Variants in ABLIM3 observed in about 807,000 individuals in gnomAD.
ABLIM3 encodes the protein actin-binding LIM protein 3.
ABLIM3 carries 61 observed loss-of-function variants against 109.5 expected under a neutral mutation model. The ratio of observed to expected loss-of-function variants is 0.56; its 90% confidence interval spans 0.45 to 0.69. The LOEUF (loss-of-function observed/expected upper bound fraction) is 0.69. ABLIM3 is among the 30% of genes least tolerant of loss of function. The probability of loss-of-function intolerance (pLI) is 0.00; values close to 1 mark genes in which losing one functional copy is unlikely to be tolerated. For missense variants in ABLIM3, 796 were observed against 889.5 expected (o/e 0.89, Z 1.34); for synonymous variants, 300 against 324.8 (o/e 0.92, Z 0.82).
rs761747841 is a variant in ABLIM3 at position 149,183,546 on chromosome 5, C to T, written c.108C>T (p.Arg36=). Residue 36 remains arginine, a synonymous_variant, in exon 3 of 24, where the codon CGC becomes CGT. Coordinates refer to ENST00000309868, the MANE Select transcript of ABLIM3 (RefSeq NM_014945.5). ...ACACCTGCAAAGGGGAAGTGGTCCG[C>T]GTGCACAACAACCACTTCCACATCA... ...CGDTCKGEVV[R]VHNNHFHIRC... 1.7e-5 allele frequency: 27 copies of T among 1,592,826 alleles called. No homozygotes were observed. The African/African-American group carries it at 2.9e-4, about 17-fold the overall frequency.
chr5:149,252,940 A>G (rs9765312), intron 23 of ABLIM3, 103 bp downstream of exon 23: 11,469 of 838,214 alleles, frequency 0.014, 571 homozygotes, highest in African/African-American at 0.13. Flanking sequence ...AGTGGCTTTA[A>G]GATCACACAG....
chr5:149,167,284 A>G (rs1225268546), intron 2 of ABLIM3, among the ~76,000 whole-genome samples: 2 of 152,150 alleles, frequency 1.3e-5, no homozygotes, highest in East Asian at 3.8e-4. Flanking sequence ...CATCACCCTG[A>G]TGGCTGTTGG....
At chr5:149,187,474 T>C (rs962223393) in intron 3 of ABLIM3, among the ~76,000 whole-genome samples, 1 of 152,224 alleles carries the variant, frequency 6.6e-6, no homozygotes, top group African/African-American at 2.4e-5. Context: ...AAAGATTATG[T>C]ATTCAGCAAA....
Position 149,211,100 on chromosome 5 carries a change from A to G in ABLIM3, c.669+281A>G, listed in dbSNP as rs371639954. Reference sequence around the variant, plus strand: ...CCCAGACAGATTTCTAAAGAGTGACATTAGGATTTTCCTCCCAGCCCTGCC... The same window carrying G: ...CCCAGACAGATTTCTAAAGAGTGACGTTAGGATTTTCCTCCCAGCCCTGCC... On this transcript the variant is annotated intron_variant, in intron 7 of 23. Coordinates refer to ENST00000309868, the MANE Select transcript of ABLIM3 (RefSeq NM_014945.5). 2.2e-3 allele frequency among the ~76,000 whole-genome samples: 337 copies of G among 152,254 alleles called. 19 individuals carry two copies. In the South Asian group the frequency reaches 0.065, roughly 30 times the overall value.
At chr5:149,224,688 G>A (rs1273828843) in intron 8 of ABLIM3, among the ~76,000 whole-genome samples, 1 of 152,220 alleles carries the variant, frequency 6.6e-6, no homozygotes, top group African/African-American at 2.4e-5. Flanking sequence ...GTAGGTGGAG[G>A]AGAGGAGACA....
chr5:149,199,624 C>T (rs1217335144), intron 4 of ABLIM3, among the ~76,000 whole-genome samples: 1 of 152,244 alleles, frequency 6.6e-6, no homozygotes, highest in Non-Finnish European at 1.5e-5. Context: ...GTGCTCCCTC[C>T]ATCGTGCCAC....
Position 149,142,155 on chromosome 5 carries a change from G to C in ABLIM3, c.13+47G>C, listed in dbSNP as rs1356938415. The C allele has an allele frequency of 1.9e-6, 3 of 1,577,164 alleles. No homozygotes were observed. The African/African-American group carries it at 4.0e-5, about 21-fold the overall frequency. On this transcript the variant is annotated intron_variant, in intron 2 of 23. Coordinates refer to ENST00000309868, the MANE Select transcript of ABLIM3 (RefSeq NM_014945.5). The stretch of plus-strand genomic sequence containing the variant: ...TTGCCATGGGAACAGGGGTGGGGGC[G>C]GGAGGTGAGGGAGCCTGCGCTCGGG...
intron 18 of ABLIM3, among the ~76,000 whole-genome samples, chr5:149,249,255 G>A (rs900334394): frequency 1.3e-5 from 2 of 152,226 alleles, no homozygotes; most frequent in African/African-American, 4.8e-5. Flanking sequence ...GCGGCAATAT[G>A]ATAAAGCCAG....
intron 2 of ABLIM3, among the ~76,000 whole-genome samples, chr5:149,158,539 T>G (rs151054835): frequency 5.3e-4 from 81 of 152,328 alleles, no homozygotes; most frequent in African/African-American, 1.6e-3. Context: ...TACTTGACTC[T>G]ATGCAAGTTA....
intron 2 of ABLIM3, among the ~76,000 whole-genome samples, chr5:149,167,071 C>T (rs1261739300): frequency 6.6e-6 from 1 of 152,190 alleles, no homozygotes; most frequent in Non-Finnish European, 1.5e-5. Context: ...GATTCCTCTT[C>T]AAGGTGTTAT....
At chr5:149,205,447 A>T (rs990795747) in intron 5 of ABLIM3, among the ~76,000 whole-genome samples, 1 of 152,158 alleles carries the variant, frequency 6.6e-6, no homozygotes, top group Non-Finnish European at 1.5e-5. Context: ...GGGGAGGCCC[A>T]CAGAGATACA....
chr5:149,142,064 T>C lies in ABLIM3; in HGVS notation c.-32T>C, dbSNP rs1752504620. On this transcript the variant is annotated 5_prime_UTR_variant, in exon 2 of 24. Transcript: ENST00000309868. ...TTAAAAAGCAGCCGGGGCCTCCGTA[T>C]TGAATGAAAGACCCAGTGCAAAGAC... The C allele has an allele frequency of 1.2e-6, 2 of 1,613,848 alleles. No individual in the cohort carries two copies. The highest frequency in any genetic ancestry group is 1.7e-6 in the Non-Finnish European group (2 of 1,180,010).
intron 2 of ABLIM3, among the ~76,000 whole-genome samples, chr5:149,160,068 T>C (rs1023351791): frequency 2.0e-5 from 3 of 152,154 alleles, no homozygotes; most frequent in Non-Finnish European, 4.4e-5. Context: ...CACAGACCCT[T>C]CCCACAGAAT....
chr5:149,190,610 G>T (rs531476393), intron 3 of ABLIM3, among the ~76,000 whole-genome samples: 1 of 152,300 alleles, frequency 6.6e-6, no homozygotes, highest in South Asian at 2.1e-4. Flanking sequence ...AGCCCAGGAG[G>T]CGGAGGTTGC....
intron 2 of ABLIM3, among the ~76,000 whole-genome samples, chr5:149,171,726 A>G (rs1469998221): frequency 6.6e-6 from 1 of 152,226 alleles, no homozygotes; most frequent in Non-Finnish European, 1.5e-5. Flanking sequence ...TGCAAAGCCC[A>G]CATCTTATCC....
At chr5:149,221,460 T>A (rs1484235993) in intron 8 of ABLIM3, among the ~76,000 whole-genome samples, 1 of 152,192 alleles carries the variant, frequency 6.6e-6, no homozygotes, top group Non-Finnish European at 1.5e-5. Flanking sequence ...TGGGTGAGTT[T>A]GTTTGTGTTT....
At position 149,250,436 on chromosome 5, in the gene ABLIM3, C is replaced by A; in HGVS notation, c.1730-11C>A. Reference sequence around the variant, plus strand: ...GGACTCCTGATAATTGCTCTAGATCCTTCTTTTCAGATCCTCTCATCTCCA... The same window carrying A: ...GGACTCCTGATAATTGCTCTAGATCATTCTTTTCAGATCCTCTCATCTCCA... On this transcript the variant is annotated splice_polypyrimidine_tract_variant and intron_variant, in intron 19 of 23. Coordinates refer to ENST00000309868, the MANE Select transcript of ABLIM3 (RefSeq NM_014945.5). The A allele has an allele frequency of 6.2e-7, 1 of 1,614,078 alleles. No individual in the cohort carries two copies. Among genetic ancestry groups the A allele is most frequent in the Non-Finnish European group, 8.5e-7 (1 of 1,179,960 alleles).
chr5:149,153,960 A>G (rs932259183), intron 2 of ABLIM3, among the ~76,000 whole-genome samples: 3 of 152,210 alleles, frequency 2.0e-5, no homozygotes, highest in African/African-American at 4.8e-5. Flanking sequence ...TAGTGCCTCT[A>G]TCATTTCCAA....
intron 11 of ABLIM3, among the ~76,000 whole-genome samples, chr5:149,238,642 T>G (rs1332890759): frequency 4.6e-5 from 7 of 152,270 alleles, no homozygotes; most frequent in Admixed American, 1.3e-4. Flanking sequence ...AGATTTCATG[T>G]AAGAATCTGC....
Sources: gnomAD v4.1 joint callset for allele counts (sites outside exome capture counted in the v4.1 genomes callset) on GRCh38, gnomAD v4.1.1 for gene constraint, MANE v1.5 for transcripts, NCBI Gene and HGNC (gene_info 2026-07-23, HGNC 2026-07-21) for gene names.